COMMD1: variants seen among roughly 807,000 people sequenced by gnomAD.
The protein encoded by COMMD1 is copper metabolism domain containing 1, also known as COMM domain-containing protein 1.
In COMMD1, 10 loss-of-function variants were observed where a neutral mutation model predicts 17.2. That is an observed-to-expected ratio of 0.58 (90% CI 0.36 to 0.99). COMMD1 has a LOEUF of 0.99. Ranked by LOEUF, COMMD1 falls within the 50% of genes least tolerant of loss-of-function variation. The pLI, the probability that COMMD1 is intolerant of heterozygous loss-of-function variation, is 0.01. For synonymous variants in COMMD1, 97 were observed against 91.6 expected (o/e 1.06, Z -0.34); for missense variants, 270 against 231.8 (o/e 1.17, Z -1.07).
At chr2:62,068,742 G>A (rs1290253021) in intron 2 of COMMD1, among the ~76,000 whole-genome samples, 6 of 147,826 alleles carry the variant, frequency 4.1e-5, no homozygotes, top group African/African-American at 1.0e-4. Context: ...CTCCTGTCTC[G>A]CCTTCCTGAG....
At chr2:61,889,968 C>G (rs1382539882) in intron 1 of COMMD1, among the ~76,000 whole-genome samples, 1 of 152,006 alleles carries the variant, frequency 6.6e-6, no homozygotes, top group Non-Finnish European at 1.5e-5. Flanking sequence ...GAACTGAAGC[C>G]CAGGGTAAAC....
At chr2:62,032,606 G>C (rs1669937874) in intron 2 of COMMD1, among the ~76,000 whole-genome samples, 1 of 152,200 alleles carries the variant, frequency 6.6e-6, no homozygotes. Context: ...CATATCTGCT[G>C]TTCAAAGCTT....
At chr2:62,050,442 A>G (rs1670504640) in intron 2 of COMMD1, among the ~76,000 whole-genome samples, 1 of 152,202 alleles carries the variant, frequency 6.6e-6, no homozygotes, top group Admixed American at 6.6e-5. Flanking sequence ...CTAAGCGCCA[A>G]TTAAAAATGT....
upstream of COMMD1, among the ~76,000 whole-genome samples, chr2:61,901,108 AG>A (rs1230531308): frequency 3.3e-5 from 5 of 151,786 alleles, no homozygotes; most frequent in African/African-American, 1.2e-4. Flanking sequence ...CACCGCACCC[AG>A]CTAATTTTTG....
At chr2:61,891,821 A>G (rs1400703963) in intron 1 of COMMD1, among the ~76,000 whole-genome samples, 2 of 151,572 alleles carry the variant, frequency 1.3e-5, no homozygotes, top group African/African-American at 4.8e-5. Context: ...ACTTTCTGAT[A>G]TTTATTTTTT....
intron 1 of COMMD1, among the ~76,000 whole-genome samples, chr2:61,984,559 C>T (rs1442981155): frequency 6.6e-6 from 1 of 152,184 alleles, no homozygotes; most frequent in African/African-American, 2.4e-5. Flanking sequence ...ATTTTTTAGA[C>T]TTGGCTTGTA....
intron 1 of COMMD1, among the ~76,000 whole-genome samples, chr2:61,974,842 G>A (rs1671749741): frequency 6.6e-6 from 1 of 151,968 alleles, no homozygotes; most frequent in Non-Finnish European, 1.5e-5. Context: ...TAGATTAATT[G>A]CAATTGATGA....
intron 2 of COMMD1, among the ~76,000 whole-genome samples, chr2:62,107,430 C>G (rs1403636212): frequency 6.6e-6 from 1 of 152,114 alleles, no homozygotes; most frequent in Admixed American, 6.5e-5. Context: ...GGCATATCTC[C>G]ACTTGGTGAA....
rs188220823 is a variant in COMMD1 at position 61,923,938 on chromosome 2, A to G, written c.180+18080A>G. ...AATACAGATGTGCACCAGCACACCC[A>G]GTGAATTTTTGTATTTTTTGTAGAG... On this transcript the variant is annotated intron_variant, in intron 1 of 2. Transcript: ENST00000311832. Among the ~76,000 whole-genome samples the G allele has an allele frequency of 1.5e-3, 229 of 152,178 alleles. 1 individual carries two copies. Among genetic ancestry groups the G allele is most frequent in the Non-Finnish European group, 1.5e-3 (105 of 68,000 alleles).
At chr2:62,121,856 A>G (rs755507485) in intron 2 of COMMD1, among the ~76,000 whole-genome samples, 2 of 152,168 alleles carry the variant, frequency 1.3e-5, no homozygotes, top group Non-Finnish European at 2.9e-5. Context: ...CAGTGGCACA[A>G]TCACAGCTCA....
intron 1 of COMMD1, among the ~76,000 whole-genome samples, chr2:61,910,100 C>T (rs1242145164): frequency 6.6e-6 from 1 of 152,106 alleles, no homozygotes; most frequent in East Asian, 1.9e-4. Flanking sequence ...GCTGGCCATT[C>T]ACTTGCTCTA....
At chr2:61,958,178 C>T (rs1168603194) in intron 1 of COMMD1, among the ~76,000 whole-genome samples, 1 of 152,014 alleles carries the variant, frequency 6.6e-6, no homozygotes, top group East Asian at 1.9e-4. Flanking sequence ...CTTTCTCCTC[C>T]CACTCTCTAC....
chr2:61,961,000 C>T (rs1053029637), intron 1 of COMMD1, among the ~76,000 whole-genome samples: 5 of 152,162 alleles, frequency 3.3e-5, no homozygotes, highest in African/African-American at 4.8e-5. Context: ...TCTCTTCTCC[C>T]GGGGGCTGCC....
At chr2:62,121,914 C>T (rs1238034546) in intron 2 of COMMD1, among the ~76,000 whole-genome samples, 2 of 152,172 alleles carry the variant, frequency 1.3e-5, no homozygotes, top group Admixed American at 6.5e-5. Context: ...ACCTCAGCCT[C>T]TTAACTAGCT....
chr2:62,020,741 T>G (rs1669589040), intron 2 of COMMD1, among the ~76,000 whole-genome samples: 1 of 152,190 alleles, frequency 6.6e-6, no homozygotes, highest in Non-Finnish European at 1.5e-5. Flanking sequence ...GGCTCACGCT[T>G]GTAATCCCAG....
intron 1 of COMMD1, among the ~76,000 whole-genome samples, chr2:61,916,062 T>C (rs980702575): frequency 1.3e-5 from 2 of 152,016 alleles, no homozygotes; most frequent in African/African-American, 4.8e-5. Flanking sequence ...TCTTGACCTG[T>C]CGGGCTCAAG....
chr2:62,006,511 C>T (rs989537742), intron 2 of COMMD1, among the ~76,000 whole-genome samples: 1 of 152,134 alleles, frequency 6.6e-6, no homozygotes, highest in African/African-American at 2.4e-5. Context: ...TGAGTAGGAA[C>T]TACTGACCCA....
chr2:62,042,569 C>T (rs553286757), intron 2 of COMMD1, among the ~76,000 whole-genome samples: 6 of 152,292 alleles, frequency 3.9e-5, no homozygotes, highest in East Asian at 1.9e-4. Flanking sequence ...AACCCGCGAG[C>T]GCCGAGCGCA....
At chr2:62,075,847 G>T (rs1488393578) in intron 2 of COMMD1, among the ~76,000 whole-genome samples, 1 of 152,214 alleles carries the variant, frequency 6.6e-6, no homozygotes, top group Non-Finnish European at 1.5e-5. Context: ...CATCTGATTT[G>T]TATGAACCAT....
Sources: gnomAD v4.1 joint callset for allele counts (sites outside exome capture counted in the v4.1 genomes callset) on GRCh38, gnomAD v4.1.1 for gene constraint, MANE v1.5 for transcripts, NCBI Gene and HGNC (gene_info 2026-07-23, HGNC 2026-07-21) for gene names.